PKIB: variants seen among roughly 807,000 people sequenced by gnomAD.
PKIB encodes PKI-beta.
PKIB carries 2 observed loss-of-function variants against 4.5 expected under a neutral mutation model. The observed-to-expected ratio is 0.44, with a 90% CI of 0.18 to 1.39. The LOEUF is 1.39. Ranked by LOEUF, PKIB falls within the 40% of genes most tolerant of loss-of-function variation. The pLI is 0.27. For synonymous variants in PKIB, 38 were observed against 36.0 expected, an observed-to-expected ratio of 1.06 and a Z score of -0.20; for missense variants, 94 against 92.6, an observed-to-expected ratio of 1.02 and a Z score of -0.06.
intron 2 of PKIB, among the ~76,000 whole-genome samples, chr6:122,490,315 T>C (rs1416820222): frequency 6.6e-6 from 1 of 152,184 alleles, no homozygotes; most frequent in Non-Finnish European, 1.5e-5. Context: ...AGATGAAGTT[T>C]AGCGTGAGGA....
chr6:122,624,577 C>G (rs1414717795), intron 1 of PKIB, among the ~76,000 whole-genome samples: 1 of 151,858 alleles, frequency 6.6e-6, no homozygotes, highest in African/African-American at 2.4e-5. Flanking sequence ...AGATATAAAG[C>G]AAAATATTAA....
intron 2 of PKIB, among the ~76,000 whole-genome samples, chr6:122,503,838 A>C (rs948456985): frequency 2.0e-5 from 3 of 152,156 alleles, no homozygotes; most frequent in African/African-American, 7.2e-5. Flanking sequence ...TCTGACACCA[A>C]ATAAAATGTA....
chr6:122,594,261 GCAGTGGTGCGATC>G (rs1196182246), intron 3 of PKIB, among the ~76,000 whole-genome samples: 1 of 150,980 alleles, frequency 6.6e-6, no homozygotes, highest in Non-Finnish European at 1.5e-5. Context: ...AGGCTGGAGT[GCAGTGGTGCGATC>G]TCTGCTCACT....
At chr6:122,535,020 T>C (rs1777363139) in intron 2 of PKIB, among the ~76,000 whole-genome samples, 1 of 152,170 alleles carries the variant, frequency 6.6e-6, no homozygotes, top group African/African-American at 2.4e-5. Flanking sequence ...TCAGTTCTGC[T>C]CTTAGTGAAA....
chr6:122,550,373 C>G (rs1772640339), intron 2 of PKIB, among the ~76,000 whole-genome samples: 1 of 152,012 alleles, frequency 6.6e-6, no homozygotes, highest in African/African-American at 2.4e-5. Context: ...TTGTTTACAT[C>G]TATATTTATT....
chr6:122,615,128 G>A (rs1290581759), intron 1 of PKIB, among the ~76,000 whole-genome samples: 1 of 152,126 alleles, frequency 6.6e-6, no homozygotes, highest in African/African-American at 2.4e-5. Context: ...CATCATCCTT[G>A]AAGAAGGGTG....
rs148946911 is a variant in PKIB at position 122,580,570 on chromosome 6, G to A, written c.-247-5351G>A. On this transcript the variant is annotated intron_variant, in intron 2 of 6. Transcript: ENST00000392491. The stretch of plus-strand genomic sequence containing the variant: ...TGAATTGTTTGCCTACATAGGGTTT[G>A]CCCCATCTCAGATTGTAAAGCCTCC... Among the ~76,000 whole-genome samples, 18 of 152,192 alleles carry A rather than the reference G, an allele frequency of 1.2e-4. No individual in the cohort carries two copies. In the East Asian group the frequency reaches 3.5e-3, roughly 29 times the overall value.
chr6:122,717,633 C>A, intron 3 of PKIB, 154 bp from the exon 4 acceptor site: 1 of 744,806 alleles, frequency 1.3e-6, no homozygotes, highest in Non-Finnish European at 2.2e-6. Context: ...ATGGATGCTG[C>A]AGGACCGTAA....
intron 2 of PKIB, among the ~76,000 whole-genome samples, chr6:122,668,620 C>G (rs1180500996): frequency 2.0e-5 from 3 of 152,124 alleles, no homozygotes; most frequent in Non-Finnish European, 4.4e-5. Flanking sequence ...TCTGACTTCT[C>G]CCTAAAAAAT....
chr6:122,564,982 C>T (rs540485526), intron 2 of PKIB, among the ~76,000 whole-genome samples: 2 of 152,244 alleles, frequency 1.3e-5, no homozygotes, highest in Non-Finnish European at 2.9e-5. Context: ...CCATGTTGAG[C>T]ATAGTCTCAA....
At chr6:122,504,925 A>T (rs906015517) in intron 2 of PKIB, among the ~76,000 whole-genome samples, 4 of 152,108 alleles carry the variant, frequency 2.6e-5, no homozygotes, top group Non-Finnish European at 5.9e-5. Context: ...ACAGGTTAAG[A>T]GTTCTTAAAG....
At position 122,647,491 on chromosome 6, in the gene PKIB, T is replaced by C. The variant is rs149514517; in HGVS notation, c.-76+14124T>C. Among the ~76,000 whole-genome samples the C allele has an allele frequency of 1.4e-4, 21 of 152,244 alleles. 1 individual carries two copies. The highest frequency in any genetic ancestry group is 3.4e-3 in the Middle Eastern group (1 of 294). On this transcript the variant is annotated intron_variant, in intron 2 of 4. Transcript: ENST00000368452. Reference sequence around the variant, plus strand: ...ATATTTAATCTCAAAATAAAGAACATAGCAAAGTCATTCTTCCACCTAATG... The same window carrying C: ...ATATTTAATCTCAAAATAAAGAACACAGCAAAGTCATTCTTCCACCTAATG...
At chr6:122,491,802 A>C (rs2114538884) in intron 2 of PKIB, among the ~76,000 whole-genome samples, 1 of 152,338 alleles carries the variant, frequency 6.6e-6, no homozygotes, top group African/African-American at 2.4e-5. Flanking sequence ...ATTATTGGGA[A>C]CATTCATTAT....
At chr6:122,542,426 G>A (rs1473342623) in intron 2 of PKIB, among the ~76,000 whole-genome samples, 1 of 152,122 alleles carries the variant, frequency 6.6e-6, no homozygotes, top group Non-Finnish European at 1.5e-5. Flanking sequence ...CTGCAGGTCT[G>A]TTGGAGTTTG....
intron 2 of PKIB, among the ~76,000 whole-genome samples, chr6:122,546,790 C>G (rs191603970): frequency 6.6e-6 from 1 of 151,864 alleles, no homozygotes; most frequent in African/African-American, 2.4e-5. Context: ...GAATTGAATG[C>G]TAAATATGCA....
intron 2 of PKIB, among the ~76,000 whole-genome samples, chr6:122,662,540 G>A (rs1162411398): frequency 6.6e-6 from 1 of 151,034 alleles, no homozygotes; most frequent in East Asian, 1.9e-4. Context: ...GGCTGGTCTC[G>A]AACTCCTGAC....
intron 3 of PKIB, among the ~76,000 whole-genome samples, chr6:122,593,281 C>T (rs542912815): frequency 2.0e-5 from 3 of 151,964 alleles, no homozygotes; most frequent in South Asian, 2.1e-4. Flanking sequence ...CCAGGGGCAG[C>T]GGTAGAAAAA....
intron 2 of PKIB, among the ~76,000 whole-genome samples, chr6:122,553,481 C>CTTTTTTTTTTTTTTTTT (rs533553939): frequency 0.044 from 2,914 of 65,612 alleles, 694 homozygotes; most frequent in South Asian, 0.06. Flanking sequence ...CAAATATCTT[C>CTTTTTTTTTTTTTTTTT]TTTTTTTTTT....
intron 2 of PKIB, among the ~76,000 whole-genome samples, chr6:122,502,513 A>AAG (rs1388684967): frequency 6.6e-6 from 1 of 151,624 alleles, no homozygotes; most frequent in Non-Finnish European, 1.5e-5. Context: ...GGCAGAACAG[A>AAG]AGAGAGAGAG....
Sources: gnomAD v4.1 joint callset for allele counts (sites outside exome capture counted in the v4.1 genomes callset) on GRCh38, gnomAD v4.1.1 for gene constraint, MANE v1.5 for transcripts, NCBI Gene and HGNC (gene_info 2026-07-23, HGNC 2026-07-21) for gene names.